MTBP: variants seen among roughly 807,000 people sequenced by gnomAD.
MTBP encodes the protein mdm2-binding protein.
In MTBP, 101 loss-of-function variants were observed where a neutral mutation model predicts 117.0. The ratio of observed to expected loss-of-function variants is 0.86; its 90% confidence interval spans 0.73 to 1.02. The LOEUF (loss-of-function observed/expected upper bound fraction) is 1.02, where lower values mean the gene tolerates loss of function less well. MTBP is among the 50% of genes least tolerant of loss of function. MTBP has a pLI of 0.00. For synonymous variants in MTBP, 350 were observed against 351.5 expected (o/e 1.00, Z 0.05); for missense variants, 970 against 1,030.9 (o/e 0.94, Z 0.81).
Position 120,456,534 on chromosome 8 carries a change from T to G in MTBP, c.630-19T>G. 7.6e-7 allele frequency: 1 copy of G among 1,323,080 alleles called. No homozygotes were observed. The highest frequency in any genetic ancestry group is 1.5e-5 in the African/African-American group (1 of 67,854). The allele number at this position is 1,323,080 out of a possible 1,614,324, so 82.0% of individuals were successfully genotyped here. ...AATATAAAACCCTGTGTTTAATTGT[T>G]GTAATCTTTTTTTTATAGAAACTGT... is the stretch of plus-strand genomic sequence containing the variant. On this transcript the variant is annotated intron_variant, in intron 6 of 21. Transcript: ENST00000305949.
At chr8:120,515,219 G>A (rs1248280626) in intron 17 of MTBP, among the ~76,000 whole-genome samples, 1 of 151,944 alleles carries the variant, frequency 6.6e-6, no homozygotes. Context: ...TTGTAGATAA[G>A]GAAGAAAGTG....
rs138261253 is a variant in MTBP, at chr8:120,451,198, C to G, written c.301C>G (p.His101Asp). Reference sequence around the variant, plus strand: ...TTGTAGTTCTGATTGGCAAGAGATACATTTTGATACAGAAAAAGATAAAAT... The same window carrying G: ...TTGTAGTTCTGATTGGCAAGAGATAGATTTTGATACAGAAAAAGATAAAAT... ...QFCSSDWQEIHFDTEKDKIED... is the reference protein window; with the variant it reads ...QFCSSDWQEIDFDTEKDKIED... The change falls in exon 4 of 22, where the codon CAT becomes GAT. Residue 101 changes from histidine to aspartate, a missense_variant. By Grantham distance (81) the His-to-Asp change is moderately conservative (BLOSUM62 -1). Coordinates refer to ENST00000305949, the MANE Select transcript of MTBP (RefSeq NM_022045.5). The G allele has an allele frequency of 6.8e-6, 11 of 1,607,978 alleles. No individual in the cohort carries two copies. In the African/African-American group the frequency reaches 9.4e-5, roughly 14 times the overall value.
rs772272201 is a variant in MTBP, at chr8:120,470,829, C to G, written c.1057C>G (p.Leu353Val). 3 of 1,604,314 alleles carry G rather than the reference C, an allele frequency of 1.9e-6. No individual in the cohort carries two copies. The highest frequency in any genetic ancestry group is 2.2e-5 in the South Asian group (2 of 90,524). ...GGTCTGTTTTATTCAGGTTGGTGCT[C>G]TTTTTGTATTGCCATGTACCATTAG... ...ISSLCSKVGA[L>V]FVLPCTISNI... Residue 353 changes from leucine to valine, a missense_variant, in exon 11 of 22, where the codon CTT becomes GTT. Leu to Val is a conservative substitution (Grantham distance 32, BLOSUM62 1). Transcript: ENST00000305949.
At chr8:120,468,160 T>A (rs12680935) in intron 10 of MTBP, among the ~76,000 whole-genome samples, 31,538 of 152,062 alleles carry the variant, frequency 0.21, 3,452 homozygotes, top group Middle Eastern at 0.27. Context: ...AATATTTTTA[T>A]TTTTAATTTC....
chr8:120,464,064 A>G (rs2130535018), intron 10 of MTBP, among the ~76,000 whole-genome samples: 1 of 152,134 alleles, frequency 6.6e-6, no homozygotes, highest in African/African-American at 2.4e-5. Context: ...TTGTTAACCT[A>G]CTTCTTCAAC....
chr8:120,457,945 C>CAA lies in MTBP; in HGVS notation c.748-1269_748-1268dup, dbSNP rs776222897. 5.9e-4 allele frequency among the ~76,000 whole-genome samples: 38 copies of CAA among 64,024 alleles called. 1 individual carries two copies. The highest frequency in any genetic ancestry group is 2.5e-3 in the Admixed American group (16 of 6,498). 42.0% of individuals were successfully genotyped at this position (64,024 alleles called of 152,430 possible). On this transcript the variant is annotated intron_variant, in intron 7 of 21. Coordinates refer to ENST00000305949, the MANE Select transcript of MTBP (RefSeq NM_022045.5). ...TGCGTGACAGAGTGAGACTCCGTCT[C>CAA]AAGAAAAAAAAAAAAAACCCAAAAA...
rs540025858 is a variant in MTBP at position 120,479,460 on chromosome 8, G to A, written c.1165+8523G>A. Among the ~76,000 whole-genome samples the A allele has an allele frequency of 2.4e-4, 37 of 152,296 alleles. 1 individual carries two copies. In the South Asian group the frequency reaches 2.7e-3, roughly 11 times the overall value. ...TGCCTGCTGTGTGCAAGGTATTACT[G>A]TGGTGCTAGGAATACAGTGGTAAAC... On this transcript the variant is annotated intron_variant, in intron 11 of 21. Transcript: ENST00000305949.
chr8:120,466,922 T>C (rs1413470927), intron 10 of MTBP, among the ~76,000 whole-genome samples: 1 of 152,106 alleles, frequency 6.6e-6, no homozygotes, highest in Non-Finnish European at 1.5e-5. Flanking sequence ...AAACAATTAA[T>C]TTTTTTAAAA....
rs555234184 is a variant in MTBP at position 120,483,798 on chromosome 8, C to T, written c.1166-4361C>T. On this transcript the variant is annotated intron_variant, in intron 11 of 21. Coordinates refer to ENST00000305949, the MANE Select transcript of MTBP (RefSeq NM_022045.5). ...GTGGAGAGGGGCATACAAGCCAACA[C>T]CTTATCAAATAATAATGTAAGTAAA... 7.2e-4 allele frequency among the ~76,000 whole-genome samples: 109 copies of T among 152,120 alleles called. 1 individual carries two copies. Among genetic ancestry groups the T allele is most frequent in the African/African-American group, 2.5e-3 (104 of 41,498 alleles).
chr8:120,498,128 A>G (rs1161777930), intron 14 of MTBP, among the ~76,000 whole-genome samples: 1 of 152,172 alleles, frequency 6.6e-6, no homozygotes, highest in Non-Finnish European at 1.5e-5. Context: ...TTCAAATCTC[A>G]CTTTTGTTAC....
chr8:120,459,476 ATAAT>A (rs747197288), intron 8 of MTBP, 127 bp downstream of exon 8: 333 of 860,100 alleles, frequency 3.9e-4, no homozygotes, highest in Non-Finnish European at 5.3e-4. Flanking sequence ...AATTTTTAAT[ATAAT>A]TAAGTACTTA....
At chr8:120,465,537 G>A (rs749226286) in intron 10 of MTBP, among the ~76,000 whole-genome samples, 48 of 151,982 alleles carry the variant, frequency 3.2e-4, no homozygotes, top group South Asian at 4.1e-4. Flanking sequence ...ACACACATAT[G>A]TGAAGCAGTT....
At chr8:120,494,436 G>T (rs1295927288) in intron 13 of MTBP, among the ~76,000 whole-genome samples, 2 of 152,148 alleles carry the variant, frequency 1.3e-5, no homozygotes, top group African/African-American at 4.8e-5. Context: ...TACTGAAAAA[G>T]CTTCAAGTGG....
chr8:120,518,844 A>C (rs747352120), intron 20 of MTBP, 27 bp downstream of exon 20: 1 of 1,473,810 alleles, frequency 6.8e-7, no homozygotes, highest in South Asian at 1.2e-5. Flanking sequence ...ACTAATGGCA[A>C]AATTTAGTTC....
intron 20 of MTBP, among the ~76,000 whole-genome samples, chr8:120,521,328 TAATAC>T (rs1815004262): frequency 6.6e-6 from 1 of 152,188 alleles, no homozygotes; most frequent in Admixed American, 6.6e-5. Flanking sequence ...ATTATAACCA[TAATAC>T]ATTAATTAGC....
At chr8:120,523,242 C>A in intron 21 of MTBP, 56 bp from the exon 22 acceptor site, 2 of 1,151,108 alleles carry the variant, frequency 1.7e-6, no homozygotes, top group Non-Finnish European at 1.3e-6. Flanking sequence ...ATATATTTTT[C>A]TATTACTTGT....
chr8:120,490,131 G>C (rs1018057120), intron 12 of MTBP, among the ~76,000 whole-genome samples: 9 of 152,064 alleles, frequency 5.9e-5, no homozygotes, highest in Non-Finnish European at 8.8e-5. Context: ...AATGGCTTTT[G>C]GGGGTATCTT....
intron 11 of MTBP, among the ~76,000 whole-genome samples, chr8:120,475,304 G>A (rs1277992302): frequency 6.6e-6 from 1 of 151,838 alleles, no homozygotes; most frequent in Admixed American, 6.6e-5. Context: ...TATACTAAAT[G>A]TGTGTCTACC....
chr8:120,482,551 T>A (rs1402297911), intron 11 of MTBP, among the ~76,000 whole-genome samples: 1 of 152,188 alleles, frequency 6.6e-6, no homozygotes, highest in Non-Finnish European at 1.5e-5. Context: ...TATTATATAG[T>A]AATTGAGAGG....
Sources: gnomAD v4.1 joint callset for allele counts (sites outside exome capture counted in the v4.1 genomes callset) on GRCh38, gnomAD v4.1.1 for gene constraint, MANE v1.5 for transcripts, NCBI Gene and HGNC (gene_info 2026-07-23, HGNC 2026-07-21) for gene names.